The following CNTN5 variants were observed in gnomAD, a reference collection of about 807,000 sequenced individuals.
CNTN5 encodes the protein contactin-5.
In CNTN5, 77 loss-of-function variants were observed where a neutral mutation model predicts 129.1. The observed-to-expected ratio is 0.60, with a 90% confidence interval of 0.50 to 0.72. The LOEUF (loss-of-function observed/expected upper bound fraction) is 0.72, where lower values mean the gene tolerates loss of function less well. Among genes scored for constraint, CNTN5 ranks in the 30% least tolerant of loss-of-function variants. CNTN5 has a pLI of 0.00. For missense variants in CNTN5, 1,478 were observed against 1,328.8 expected, an observed-to-expected ratio of 1.11 and a Z score of -1.75; for synonymous variants, 509 against 465.6, an observed-to-expected ratio of 1.09 and a Z score of -1.20.
chr11:99,069,125 T>G (rs978580144), intron 1 of CNTN5, among the ~76,000 whole-genome samples: 2 of 152,142 alleles, frequency 1.3e-5, no homozygotes, highest in Non-Finnish European at 2.9e-5. Flanking sequence ...TGGAATCATT[T>G]GATAGAAAAC....
intron 2 of CNTN5, among the ~76,000 whole-genome samples, chr11:99,507,155 A>G (rs760858326): frequency 6.6e-6 from 1 of 152,070 alleles, no homozygotes; most frequent in Non-Finnish European, 1.5e-5. Context: ...AGGCAGGCAG[A>G]TCATGAGGTC....
intron 13 of CNTN5, among the ~76,000 whole-genome samples, chr11:100,188,995 C>T (rs1244975974): frequency 6.6e-6 from 1 of 152,118 alleles, no homozygotes; most frequent in East Asian, 1.9e-4. Context: ...ACCAGTGCCA[C>T]ATGTTCTCAC....
In CNTN5 at chr11:100,297,685, T is replaced by C; in HGVS notation, c.2375T>C (p.Ile792Thr). ...AGTGGAAGAAGGCATGAGTTAGTCA[T>C]TGCCTGGGAGGTAAGAAAAACACAT... ...GRSGRRHELV[I>T]AWEPVSEEFQ... The change falls in exon 19 of 25, where the codon ATT becomes ACT. Residue 792 changes from isoleucine (I) to threonine (T), a missense_variant. Physicochemically the swap from Ile to Thr is moderately conservative, Grantham distance 89 (BLOSUM62 -1). Coordinates refer to ENST00000524871, the MANE Select transcript of CNTN5 (RefSeq NM_014361.4). 2.5e-6 allele frequency: 4 copies of C among 1,600,986 alleles called. No homozygotes were observed. Among genetic ancestry groups the C allele is most frequent in the Non-Finnish European group, 8.5e-7 (1 of 1,172,314 alleles).
At chr11:100,143,170 A>G (rs2012260) in intron 13 of CNTN5, among the ~76,000 whole-genome samples, 101,561 of 152,078 alleles carry the variant, frequency 0.67, 35,356 homozygotes, top group African/African-American at 0.87. Context: ...TGTAATATGT[A>G]TGAATCATTT....
chr11:99,481,028 T>C (rs924951946), intron 2 of CNTN5, among the ~76,000 whole-genome samples: 5 of 152,082 alleles, frequency 3.3e-5, no homozygotes, highest in African/African-American at 4.8e-5. Context: ...CTTACTGCAG[T>C]CTATAGTGAT....
chr11:99,829,662 G>A (rs1947075588), intron 4 of CNTN5, among the ~76,000 whole-genome samples: 1 of 152,152 alleles, frequency 6.6e-6, no homozygotes, highest in Non-Finnish European at 1.5e-5. Flanking sequence ...CAATGCAAAT[G>A]TTTCATAGAC....
intron 1 of CNTN5, among the ~76,000 whole-genome samples, chr11:99,273,626 A>C (rs945969074): frequency 6.6e-6 from 1 of 151,772 alleles, no homozygotes; most frequent in African/African-American, 2.4e-5. Context: ...GGCTGGTTTG[A>C]AAATATATTT....
intron 2 of CNTN5, among the ~76,000 whole-genome samples, chr11:99,554,723 G>C (rs1948610398): frequency 6.6e-6 from 1 of 152,030 alleles, no homozygotes; most frequent in South Asian, 2.1e-4. Context: ...ACTCAACTGT[G>C]CAGTTCTCAT....
intron 1 of CNTN5, among the ~76,000 whole-genome samples, chr11:99,087,472 A>T (rs569355852): frequency 4.6e-5 from 7 of 152,192 alleles, no homozygotes; most frequent in Non-Finnish European, 8.8e-5. Context: ...ATAAACAGTA[A>T]TTGAGGACTC....
At chr11:100,103,852 G>C (rs1037343322) in intron 13 of CNTN5, among the ~76,000 whole-genome samples, 3 of 152,076 alleles carry the variant, frequency 2.0e-5, no homozygotes, top group Non-Finnish European at 2.9e-5. Context: ...AACTTCCATA[G>C]GCTAATGATT....
At position 99,474,372 on chromosome 11, in the gene CNTN5, AG is replaced by A. The variant is rs1436496435; in HGVS notation, c.-70-81772del. 4.6e-5 allele frequency among the ~76,000 whole-genome samples: 7 copies of A among 152,038 alleles called. No individual in the cohort carries two copies. The East Asian group carries it at 1.3e-3, about 29-fold the overall frequency. On this transcript the variant is annotated intron_variant, in intron 2 of 24. Transcript: ENST00000524871. ...TTGAAATCCTAACTTTACATTTTAA[AG>A]TCTCTTTCATATAGAATTTGTTTAC...
At chr11:99,621,243 C>T (rs1950940250) in intron 3 of CNTN5, among the ~76,000 whole-genome samples, 2 of 152,118 alleles carry the variant, frequency 1.3e-5, no homozygotes, top group African/African-American at 4.8e-5. Context: ...TCGAGTTAAC[C>T]AGACAGAGCA....
chr11:99,364,381 A>C (rs982231069), intron 2 of CNTN5, among the ~76,000 whole-genome samples: 2 of 152,078 alleles, frequency 1.3e-5, no homozygotes, highest in African/African-American at 2.4e-5. Flanking sequence ...TCTAACATAT[A>C]TTTAGCATAT....
intron 3 of CNTN5, among the ~76,000 whole-genome samples, chr11:99,682,069 T>C (rs578260866): frequency 1.7e-4 from 26 of 152,078 alleles, no homozygotes; most frequent in Middle Eastern, 3.4e-3. Context: ...AGAAAAAGAA[T>C]ATGCAAGAAC....
At chr11:99,431,385 A>C (rs987425559) in intron 2 of CNTN5, among the ~76,000 whole-genome samples, 1 of 152,138 alleles carries the variant, frequency 6.6e-6, no homozygotes, top group African/African-American at 2.4e-5. Context: ...GAAACTCCGG[A>C]AAGGAGCTGC....
chr11:99,730,379 C>T (rs529520207), intron 3 of CNTN5, among the ~76,000 whole-genome samples: 17 of 152,182 alleles, frequency 1.1e-4, no homozygotes, highest in African/African-American at 3.1e-4. Context: ...AAAGAGAAGA[C>T]GGAGAGAATA....
rs1366378004 is a variant in CNTN5 at position 99,723,034 on chromosome 11, C to T, written c.56-96510C>T. Among the ~76,000 whole-genome samples the T allele has an allele frequency of 5.3e-5, 8 of 152,046 alleles. No individual in the cohort carries two copies. The South Asian group carries it at 1.5e-3, about 28-fold the overall frequency. On this transcript the variant is annotated intron_variant, in intron 3 of 24. Coordinates refer to ENST00000524871, the MANE Select transcript of CNTN5 (RefSeq NM_014361.4). ...CAGCTCATGCACTCTAGTGTTTCAA[C>T]ACCAGCTATATTTAGACTCCATGGG...
chr11:100,330,010 G>A (rs1421980263), intron 21 of CNTN5, among the ~76,000 whole-genome samples: 1 of 151,994 alleles, frequency 6.6e-6, no homozygotes, highest in Non-Finnish European at 1.5e-5. Context: ...GAATTCAGAA[G>A]GTCAATTACT....
At chr11:99,537,639 C>G (rs17133746) in intron 2 of CNTN5, among the ~76,000 whole-genome samples, 4,590 of 152,258 alleles carry the variant, frequency 0.03, 184 homozygotes, top group East Asian at 0.12. Context: ...ATCACAACCA[C>G]AAAAACTTCA....
Sources: allele counts gnomAD v4.1 joint callset (sites outside exome capture counted in the v4.1 genomes callset), GRCh38; gene constraint gnomAD v4.1.1; transcripts MANE v1.5; gene names NCBI Gene and HGNC (gene_info 2026-07-23, HGNC 2026-07-21).